Variants in NEK6 observed in about 807,000 individuals in gnomAD.
NEK6 encodes NIMA related kinase 6.
Under a neutral mutation model 43.5 loss-of-function variants are expected in NEK6, and 27 were observed. The ratio of observed to expected loss-of-function variants is 0.62; its 90% CI spans 0.46 to 0.86. The LOEUF is 0.86. Among genes scored for constraint, NEK6 ranks in the 40% least tolerant of loss-of-function variants. The pLI, the probability that NEK6 is intolerant of heterozygous loss-of-function variation, is 0.00. For missense variants in NEK6, 318 were observed against 414.4 expected, an observed-to-expected ratio of 0.77 and a Z score of 2.02; for synonymous variants, 167 against 164.1, an observed-to-expected ratio of 1.02 and a Z score of -0.14.
chr9:124,271,068 C>T (rs1564614649), intron 1 of NEK6, among the ~76,000 whole-genome samples: 1 of 152,260 alleles, frequency 6.6e-6, no homozygotes, highest in South Asian at 2.1e-4. Context: ...GCACTGTCTG[C>T]AGACTGCTGG....
intron 8 of NEK6, among the ~76,000 whole-genome samples, chr9:124,342,468 T>C (rs1829685268): frequency 1.3e-5 from 2 of 152,220 alleles, no homozygotes; most frequent in Non-Finnish European, 2.9e-5. Flanking sequence ...GTCCCATATG[T>C]AGAATGAGTG....
At chr9:124,257,697 A>T, upstream of NEK6, 1 of 1,533,782 alleles carries the variant, frequency 6.5e-7, no homozygotes, top group Non-Finnish European at 8.7e-7. Flanking sequence ...GCCGGAGAAG[A>T]TGGGGAGACG....
intron 5 of NEK6, among the ~76,000 whole-genome samples, chr9:124,325,747 G>A (rs1834301637): frequency 6.6e-6 from 1 of 152,260 alleles, no homozygotes; most frequent in South Asian, 2.1e-4. Context: ...GAAGCAGACT[G>A]ATGCCCGTTG....
chr9:124,343,200 C>T lies in NEK6; in HGVS notation c.717+3535C>T, dbSNP rs987238501. On this transcript the variant is annotated intron_variant, in intron 8 of 9. Coordinates refer to ENST00000320246, the MANE Select transcript of NEK6 (RefSeq NM_014397.6). This position sits in a 1 kb window ranked among gnomAD's most constrained non-coding sequence, Gnocchi z 5.1. ...TTGGAGTGAGTGGGGCTGTGCGGCT[C>T]GCAGCTGGGGGGGCTGGACCACAGC... Among the ~76,000 whole-genome samples the T allele has an allele frequency of 2.7e-5, 4 of 147,462 alleles. No homozygotes were observed. The highest frequency in any genetic ancestry group is 6.0e-5 in the Non-Finnish European group (4 of 67,156).
intron 2 of NEK6, among the ~76,000 whole-genome samples, chr9:124,303,724 G>A (rs1320874873): frequency 8.5e-5 from 13 of 152,200 alleles, no homozygotes. Flanking sequence ...AAGCTGGGAA[G>A]CCCCAGGACA....
intron 2 of NEK6, among the ~76,000 whole-genome samples, chr9:124,305,503 G>A (rs1158095777): frequency 6.8e-6 from 1 of 148,102 alleles, no homozygotes; most frequent in African/African-American, 2.5e-5. Context: ...GCAGTGAGCC[G>A]AGATTGCACC....
At chr9:124,334,802 A>G (rs980528003) in intron 7 of NEK6, among the ~76,000 whole-genome samples, 2 of 152,070 alleles carry the variant, frequency 1.3e-5, no homozygotes, top group Non-Finnish European at 1.5e-5. Flanking sequence ...AGGGCCAGGC[A>G]CTCCAAGCCC....
chr9:124,332,125 G>T (rs1483761643), intron 7 of NEK6, among the ~76,000 whole-genome samples: 1 of 152,250 alleles, frequency 6.6e-6, no homozygotes, highest in Non-Finnish European at 1.5e-5. Flanking sequence ...GCCAGCAAGT[G>T]AGGAGTCAAT....
chr9:124,328,241 G>A (rs1358509239), intron 7 of NEK6, among the ~76,000 whole-genome samples: 2 of 152,122 alleles, frequency 1.3e-5, no homozygotes, highest in Non-Finnish European at 2.9e-5. Context: ...TTTTCATTTA[G>A]TGAGAACAAA....
intron 2 of NEK6, among the ~76,000 whole-genome samples, chr9:124,307,660 C>G (rs2130830965): frequency 6.6e-6 from 1 of 152,326 alleles, no homozygotes; most frequent in East Asian, 1.9e-4. Flanking sequence ...GGCAGAGGAG[C>G]CTGAGGAGTC....
At chr9:124,306,424 T>A (rs548595957) in intron 2 of NEK6, among the ~76,000 whole-genome samples, 1 of 152,262 alleles carries the variant, frequency 6.6e-6, no homozygotes, top group Non-Finnish European at 1.5e-5. Flanking sequence ...GGCTCACTGA[T>A]CCCATGAGCC....
At chr9:124,258,550 T>C (rs997084059) in intron 1 of NEK6, among the ~76,000 whole-genome samples, 2 of 152,174 alleles carry the variant, frequency 1.3e-5, no homozygotes, top group Admixed American at 1.3e-4. Flanking sequence ...GGCGAAAGTA[T>C]GCCTGTGTGG....
chr9:124,269,020 A>G (rs1024694208), intron 1 of NEK6, among the ~76,000 whole-genome samples: 1 of 152,178 alleles, frequency 6.6e-6, no homozygotes, highest in Non-Finnish European at 1.5e-5. Flanking sequence ...GTCACAGGAC[A>G]CCTGGGTTTC....
In NEK6 at chr9:124,353,247, A is replaced by G; in HGVS notation, c.*2300A>G. ...CCACCCCAAACAAATTCAGCCAGCA[A>G]AAAGGGTAGGTATCGATGGTCACCT... On this transcript the variant is annotated 3_prime_UTR_variant, in exon 10 of 10. Coordinates refer to ENST00000320246, the MANE Select transcript of NEK6 (RefSeq NM_014397.6). The G allele has an allele frequency of 4.1e-6, 1 of 243,080 alleles. No individual in the cohort carries two copies. Among genetic ancestry groups the G allele is most frequent in the Admixed American group, 5.4e-5 (1 of 18,628 alleles). 15.1% of individuals were successfully genotyped at this position (243,080 alleles called of 1,614,324 possible). A position where few individuals can be genotyped will look rare whatever the true frequency, so the allele number is the denominator to read the frequency against.
At chr9:124,305,422 T>C (rs951835438) in intron 2 of NEK6, among the ~76,000 whole-genome samples, 12 of 151,844 alleles carry the variant, frequency 7.9e-5, no homozygotes, top group African/African-American at 2.7e-4. Context: ...GGCGTGGTGG[T>C]GTTCACCTGT....
At chr9:124,325,182 A>AAAAGAAGTGGGCTAAGGACTTGGGC (rs2130938771) in intron 5 of NEK6, among the ~76,000 whole-genome samples, 1 of 152,158 alleles carries the variant, frequency 6.6e-6, no homozygotes, top group South Asian at 2.1e-4. Flanking sequence ...CTCAAAAAAA[A>AAAAGAAGTGGGCTAAGGACTTGGGC]AAAGAAGTGG....
At chr9:124,312,676 C>G in intron 3 of NEK6, 27 bp downstream of exon 3, 5 of 1,595,498 alleles carry the variant, frequency 3.1e-6, no homozygotes, top group East Asian at 4.5e-5. Context: ...TGGGGTCAAA[C>G]CTGCATCTCG....
chr9:124,262,978 G>T (rs554855701), intron 1 of NEK6: 1 of 152,204 alleles, frequency 6.6e-6, no homozygotes. Context: ...ATCCCTTTAA[G>T]AAGAACTTCT....
chr9:124,304,793 C>T (rs1188141230), intron 2 of NEK6, among the ~76,000 whole-genome samples: 1 of 152,126 alleles, frequency 6.6e-6, no homozygotes, highest in Non-Finnish European at 1.5e-5. Flanking sequence ...AAAATATTTG[C>T]TGAAACCGGC....
Sources: gnomAD v4.1 joint callset for allele counts (sites outside exome capture counted in the v4.1 genomes callset) on GRCh38, gnomAD v4.1.1 for gene constraint, Gnocchi (gnomAD v3.1) non-coding constraint, MANE v1.5 for transcripts, NCBI Gene and HGNC (gene_info 2026-07-23, HGNC 2026-07-21) for gene names.